Variants in DGAT2L6 observed in about 807,000 individuals in gnomAD.
DGAT2L6 encodes the protein diacylglycerol O-acyltransferase 2 like 6.
Under a neutral mutation model 25.5 loss-of-function variants are expected in DGAT2L6, and 22 were observed. The observed-to-expected ratio is 0.86, with a 90% confidence interval of 0.62 to 1.23. DGAT2L6 has a LOEUF of 1.23. Ranked by LOEUF, DGAT2L6 falls within the 50% of genes most tolerant of loss-of-function variation. The probability of loss-of-function intolerance (pLI) is 0.00; values close to 1 mark genes in which losing one functional copy is unlikely to be tolerated. For synonymous variants in DGAT2L6, 100 were observed against 94.7 expected, an observed-to-expected ratio of 1.06 and a Z score of -0.32; for missense variants, 287 against 253.2, an observed-to-expected ratio of 1.13 and a Z score of -0.91.
intron 1 of DGAT2L6, among the ~76,000 whole-genome samples, chrX:70,179,434 G>A (rs1266902052): frequency 1.8e-5 from 2 of 110,836 alleles, no homozygotes; most frequent in African/African-American, 3.3e-5. Flanking sequence ...TCAAATCCGG[G>A]TCCCAGAAAG....
At chrX:70,186,421 G>T (rs2085359879) in intron 1 of DGAT2L6, among the ~76,000 whole-genome samples, 1 of 112,008 alleles carries the variant, frequency 8.9e-6, no homozygotes, top group South Asian at 3.7e-4. Context: ...AAACCATAAA[G>T]CCTGAGAGAA....
rs767778314 is a variant in DGAT2L6 at position 70,199,962 on chromosome X, C to A, written c.267+80C>A. On this transcript the variant is annotated intron_variant, in intron 3 of 6. Transcript: ENST00000333026. ...CTACTCAGCTCCATGTTTTCAGAGGCTTTGGTGGTCAGCAGCGAAGGTCAA... is the reference window on the plus strand; with the variant it reads ...CTACTCAGCTCCATGTTTTCAGAGGATTTGGTGGTCAGCAGCGAAGGTCAA... 3 of 995,084 alleles carry A rather than the reference C, an allele frequency of 3.0e-6. No homozygotes were observed. The African/African-American group carries it at 5.7e-5, about 19-fold the overall frequency. The allele number at this position is 995,084 out of a possible 1,213,427, so 82.0% of individuals were successfully genotyped here. A position where few individuals can be genotyped will look rare whatever the true frequency, so the allele number is the denominator to read the frequency against.
Position 70,204,459 on chromosome X carries a change from G to T in DGAT2L6, c.802G>T (p.Gly268Cys), listed in dbSNP as rs145712346. Reference sequence around the variant, plus strand: ...AAATTTCTGTACCTTCCATGGCCGGGGCTTCACTCGCGGATCCTGGGGCTT... The same window carrying T: ...AAATTTCTGTACCTTCCATGGCCGGTGCTTCACTCGCGGATCCTGGGGCTT... ...GLNFCTFHGR[G>C]FTRGSWGFLP... Residue 268 changes from glycine (G) to cysteine (C), a missense_variant, in exon 6 of 7, where the codon GGC becomes TGC. Transcript: ENST00000333026. The T allele has an allele frequency of 3.3e-6, 4 of 1,209,400 alleles. No individual in the cohort carries two copies. The African/African-American group carries it at 7.0e-5, about 21-fold the overall frequency.
At position 70,199,323 on chromosome X, in the gene DGAT2L6, G is replaced by T. The variant is rs1303061569; in HGVS notation, c.138G>T (p.Trp46Cys). The change falls in exon 2 of 7, where the codon TGG (tryptophan) becomes TGT (cysteine). Residue 46 changes from tryptophan (W) to cysteine (C), a missense_variant. Physicochemically the swap from Trp to Cys is radical, Grantham distance 215. Coordinates refer to ENST00000333026, the MANE Select transcript of DGAT2L6 (RefSeq NM_198512.3). ...IPYFLLFSKFWPLAVLSLAWL... is the reference protein window; with the variant it reads ...IPYFLLFSKFCPLAVLSLAWL... ...ACTTTCTGTTATTCAGTAAGTTCTG[G>T]CCCTTGGCTGTGCTCTCCTTAGCCT... 4.2e-6 allele frequency: 5 copies of T among 1,194,036 alleles called. No homozygotes were observed. The highest frequency in any genetic ancestry group is 2.3e-4 in the Middle Eastern group (1 of 4,324).
intron 1 of DGAT2L6, 142 bp downstream of exon 1, chrX:70,177,809 T>C: frequency 2.1e-6 from 1 of 481,145 alleles, no homozygotes; most frequent in Non-Finnish European, 3.4e-6. Context: ...AGGCCAGGAG[T>C]GAGGCTGCAG....
intron 1 of DGAT2L6, among the ~76,000 whole-genome samples, chrX:70,187,928 G>A (rs777849854): frequency 8.9e-6 from 1 of 112,232 alleles, no homozygotes; most frequent in African/African-American, 3.2e-5. Flanking sequence ...CCACTCACCT[G>A]CTAGCTGTCT....
intron 4 of DGAT2L6, 52 bp from the exon 5 acceptor site, chrX:70,201,838 C>T (rs1161195359): frequency 2.7e-6 from 3 of 1,103,764 alleles, no homozygotes; most frequent in Non-Finnish European, 3.6e-6. Flanking sequence ...AAACCCCTTA[C>T]CCCATCCTCA....
chrX:70,200,537 C>A, intron 4 of DGAT2L6, 78 bp downstream of exon 4: 1 of 944,297 alleles, frequency 1.1e-6, no homozygotes, highest in South Asian at 2.3e-5. Context: ...ACAATCACTA[C>A]CTGCTTGAAG....
chrX:70,185,015 T>G (rs763867206), intron 1 of DGAT2L6, among the ~76,000 whole-genome samples: 1 of 111,489 alleles, frequency 9.0e-6, no homozygotes, highest in African/African-American at 3.3e-5. Context: ...CCAGATTATC[T>G]TCCTGAAACA....
At chrX:70,183,422 A>G (rs1325938278) in intron 1 of DGAT2L6, among the ~76,000 whole-genome samples, 1 of 112,182 alleles carries the variant, frequency 8.9e-6, no homozygotes, top group Non-Finnish European at 1.9e-5. Context: ...CTCAAGTCAT[A>G]TCTTCTCTGT....
At chrX:70,204,241 C>T in intron 5 of DGAT2L6, 64 bp from the exon 6 acceptor site, 1 of 1,027,486 alleles carries the variant, frequency 9.7e-7, no homozygotes, top group South Asian at 2.1e-5. Flanking sequence ...GGTTTCCCAC[C>T]TTGGAGAGGA....
At chrX:70,183,881 A>T (rs1284832175) in intron 1 of DGAT2L6, among the ~76,000 whole-genome samples, 1 of 109,853 alleles carries the variant, frequency 9.1e-6, no homozygotes, top group African/African-American at 3.3e-5. Context: ...AAAAAAAAAA[A>T]ATCAAAAAAT....
intron 1 of DGAT2L6, among the ~76,000 whole-genome samples, chrX:70,188,124 A>G (rs1405279731): frequency 8.9e-6 from 1 of 112,272 alleles, no homozygotes; most frequent in Non-Finnish European, 1.9e-5. Context: ...GAGAGGAATC[A>G]GAGATGATTT....
At chrX:70,178,855 C>A (rs2085334747) in intron 1 of DGAT2L6, among the ~76,000 whole-genome samples, 2 of 112,369 alleles carry the variant, frequency 1.8e-5, no homozygotes, top group African/African-American at 3.2e-5. Flanking sequence ...GTGTCAGTAA[C>A]AGACATCACA....
chrX:70,178,234 G>A (rs1333989164), intron 1 of DGAT2L6, among the ~76,000 whole-genome samples: 1 of 110,881 alleles, frequency 9.0e-6, no homozygotes, highest in African/African-American at 3.3e-5. Context: ...CAGAAGTGGT[G>A]GTGGCTTACA....
chrX:70,200,302 C>T lies in DGAT2L6; in HGVS notation c.315C>T (p.Ala105=). 2 of 1,211,413 alleles carry T rather than the reference C, an allele frequency of 1.7e-6. No homozygotes were observed. The part of the protein sequence containing the change: ...DLSPKHNYII[A]NHPHGILSFG... Reference sequence around the variant, plus strand: ...CTCCCAAACACAACTACATCATTGCCAATCACCCCCATGGCATTCTCTCTT... The same window carrying T: ...CTCCCAAACACAACTACATCATTGCTAATCACCCCCATGGCATTCTCTCTT... Residue 105 remains alanine (A), a synonymous_variant, in exon 4 of 7, where the codon GCC becomes GCT. Coordinates refer to ENST00000333026, the MANE Select transcript of DGAT2L6 (RefSeq NM_198512.3).
chrX:70,193,341 C>T (rs2085381104), intron 1 of DGAT2L6, among the ~76,000 whole-genome samples: 1 of 110,107 alleles, frequency 9.1e-6, no homozygotes, highest in African/African-American at 3.3e-5. Flanking sequence ...TAATGTCAAT[C>T]CTTCTCCAAC....
intron 4 of DGAT2L6, among the ~76,000 whole-genome samples, chrX:70,200,994 T>A (rs918174500): frequency 8.9e-6 from 1 of 112,187 alleles, no homozygotes; most frequent in African/African-American, 3.2e-5. Flanking sequence ...GGATAAAGGA[T>A]AGGAGTTCAT....
At chrX:70,180,067 AC>A (rs1476783299) in intron 1 of DGAT2L6, among the ~76,000 whole-genome samples, 1 of 110,680 alleles carries the variant, frequency 9.0e-6, no homozygotes, top group Non-Finnish European at 1.9e-5. Context: ...ATGCCCCTTT[AC>A]CCCCAAATCT....
Sources: gnomAD v4.1 joint callset for allele counts (sites outside exome capture counted in the v4.1 genomes callset) on GRCh38, gnomAD v4.1.1 for gene constraint, MANE v1.5 for transcripts, NCBI Gene and HGNC (gene_info 2026-07-23, HGNC 2026-07-21) for gene names.